The following EPHA7 variants were observed in gnomAD, a reference collection of about 807,000 sequenced individuals.
EPHA7 encodes the protein ephrin type-A receptor 7.
A neutral mutation model predicts 112.6 loss-of-function variants in EPHA7; 25 were observed. That is an observed-to-expected ratio of 0.22 (90% CI 0.16 to 0.31). The LOEUF (loss-of-function observed/expected upper bound fraction) is 0.31. Ranked by LOEUF, EPHA7 falls within the 10% of genes least tolerant of loss-of-function variation. The pLI is 1.00. For missense variants in EPHA7, 962 were observed against 1,212.6 expected, an observed-to-expected ratio of 0.79 and a Z score of 3.07; for synonymous variants, 437 against 406.5, an observed-to-expected ratio of 1.07 and a Z score of -0.90.
At chr6:93,318,063 C>T (rs186476555) in intron 5 of EPHA7, among the ~76,000 whole-genome samples, 1 of 152,132 alleles carries the variant, frequency 6.6e-6, no homozygotes, top group East Asian at 1.9e-4. Context: ...ATGGCATTAC[C>T]CTTCTAAAAA....
intron 5 of EPHA7, among the ~76,000 whole-genome samples, chr6:93,277,953 G>A (rs1048510857): frequency 6.6e-6 from 1 of 151,874 alleles, no homozygotes; most frequent in African/African-American, 2.4e-5. Context: ...TATATCTTCA[G>A]TAGAGTAATA....
rs746036615 is a variant in EPHA7, at chr6:93,240,224, C to T, written c.*3202G>A. On this transcript the variant is annotated 3_prime_UTR_variant, in exon 17 of 17. Coordinates refer to ENST00000369303, the MANE Select transcript of EPHA7 (RefSeq NM_004440.4). ...AACCAACGAAAAGCACATCTCGCCC[C>T]GAGTTCCCCATGATTTCTCCACATA... 5.4e-5 allele frequency: 12 copies of T among 223,226 alleles called. No homozygotes were observed. Among genetic ancestry groups the T allele is most frequent in the Non-Finnish European group, 8.0e-5 (9 of 111,980 alleles). The allele number at this position is 223,226 out of a possible 1,614,324, so 13.8% of individuals were successfully genotyped here. A position where few individuals can be genotyped will look rare whatever the true frequency, so the allele number is the denominator to read the frequency against.
At chr6:93,359,324 A>G (rs1776120150) in intron 3 of EPHA7, among the ~76,000 whole-genome samples, 1 of 151,602 alleles carries the variant, frequency 6.6e-6, no homozygotes, top group Admixed American at 6.6e-5. Context: ...TTCAATGAAA[A>G]TTTAGCAAGT....
intron 5 of EPHA7, among the ~76,000 whole-genome samples, chr6:93,282,922 C>G (rs1013909188): frequency 1.2e-4 from 18 of 152,156 alleles, no homozygotes; most frequent in African/African-American, 4.3e-4. Context: ...GCCAGAGCCT[C>G]CCCGAGGAGC....
At position 93,356,938 on chromosome 6, in the gene EPHA7, A is replaced by G. The variant is rs140214296; in HGVS notation, c.1103T>C (p.Leu368Ser). 2.1e-4 allele frequency: 337 copies of G among 1,614,118 alleles called. No individual in the cohort carries two copies. Among genetic ancestry groups the G allele is most frequent in the Non-Finnish European group, 2.7e-4 (324 of 1,180,022 alleles). ...CTGCTCCCAACTGCACCGCTTACACAATATTCTGTAGGTCACATCGTTTCT... is the reference window on the plus strand; with the variant it reads ...CTGCTCCCAACTGCACCGCTTACACGATATTCTGTAGGTCACATCGTTTCT... ...GGRNDVTYRI[L>S]CKRCSWEQGE... Residue 368 changes from leucine to serine, a missense_variant, in exon 5 of 17, where the codon TTG becomes TCG. Physicochemically the swap from Leu to Ser is moderately radical, Grantham distance 145. This residue lies in a region of EPHA7 where 746 missense variants were observed against 889.2 expected (regional missense o/e 0.84). Coordinates refer to ENST00000369303, the MANE Select transcript of EPHA7 (RefSeq NM_004440.4).
intron 14 of EPHA7, among the ~76,000 whole-genome samples, chr6:93,248,533 C>A (rs576872970): frequency 1.1e-4 from 17 of 152,116 alleles, no homozygotes; most frequent in East Asian, 3.9e-4. Flanking sequence ...TCCATAGGTA[C>A]CTCCCCTGTA....
chr6:93,358,562 TAG>T (rs1776077310), intron 3 of EPHA7, 151 bp from the exon 4 acceptor site: 1 of 625,748 alleles, frequency 1.6e-6, no homozygotes, highest in South Asian at 2.8e-5. Context: ...GGTATTTCAC[TAG>T]CCAAATGTTA....
chr6:93,302,490 T>C (rs1298563673), intron 5 of EPHA7, among the ~76,000 whole-genome samples: 1 of 152,140 alleles, frequency 6.6e-6, no homozygotes, highest in Non-Finnish European at 1.5e-5. Context: ...TATTACTTCC[T>C]ATCATTCTCA....
chr6:93,255,538 C>T (rs537041217), intron 13 of EPHA7, among the ~76,000 whole-genome samples: 2 of 152,088 alleles, frequency 1.3e-5, no homozygotes, highest in South Asian at 2.1e-4. Flanking sequence ...TTACAGTTTT[C>T]TACAAATATG....
chr6:93,300,620 C>T (rs1024248632), intron 5 of EPHA7, among the ~76,000 whole-genome samples: 5 of 151,938 alleles, frequency 3.3e-5, no homozygotes, highest in African/African-American at 1.2e-4. Flanking sequence ...AAGCTATAAC[C>T]CAAATAACTA....
chr6:93,315,865 G>T (rs552042633), intron 5 of EPHA7, among the ~76,000 whole-genome samples: 3 of 151,994 alleles, frequency 2.0e-5, no homozygotes, highest in Non-Finnish European at 4.4e-5. Context: ...CTCTCTTTAG[G>T]AATCCACAGT....
chr6:93,321,995 A>C (rs1206927200), intron 5 of EPHA7, among the ~76,000 whole-genome samples: 1 of 151,844 alleles, frequency 6.6e-6, no homozygotes, highest in Non-Finnish European at 1.5e-5. Context: ...GAGGACATTA[A>C]TACTACTTAC....
In EPHA7 at chr6:93,242,248, A is replaced by G. The variant is rs1582375115; in HGVS notation, c.*1178T>C. On this transcript the variant is annotated 3_prime_UTR_variant, in exon 17 of 17. Transcript: ENST00000369303. ...TTTCTTGCATCAGTGTTCACAAACA[A>G]AAGACTTTTTGTTTTGTTTTGTTTT... 5.0e-6 allele frequency: 1 copy of G among 200,208 alleles called. No homozygotes were observed. The allele number at this position is 200,208 out of a possible 1,614,324, so 12.4% of individuals were successfully genotyped here.
chr6:93,401,803 A>G (rs184189053), intron 3 of EPHA7, among the ~76,000 whole-genome samples: 69 of 152,106 alleles, frequency 4.5e-4, no homozygotes, highest in Non-Finnish European at 8.4e-4. Flanking sequence ...CATGTATCAT[A>G]TTTGTATGGA....
Position 93,258,179 on chromosome 6 carries a change from C to G in EPHA7, c.2030G>C (p.Arg677Thr). The stretch of plus-strand genomic sequence containing the variant: ...GATGCTTGCTTCACACAAAAAGTCT[C>G]TCCTTTGTTTTTCTGTGTAACCAAC... Reference protein sequence around the residue: ...LKVGYTEKQRRDFLCEASIMG... With the variant: ...LKVGYTEKQRTDFLCEASIMG... The change falls in exon 11 of 17, where the codon AGA (arginine) becomes ACA (threonine). Residue 677 changes from arginine (R) to threonine (T), a missense_variant. Arg to Thr is a moderately conservative substitution (Grantham distance 71). Coordinates refer to ENST00000369303, the MANE Select transcript of EPHA7 (RefSeq NM_004440.4). 1.2e-6 allele frequency: 2 copies of G among 1,613,466 alleles called. No individual in the cohort carries two copies. The highest frequency in any genetic ancestry group is 4.5e-5 in the East Asian group (2 of 44,822).
At position 93,410,654 on chromosome 6, in the gene EPHA7, A is replaced by C. The variant is rs923934722; in HGVS notation, c.679T>G (p.Leu227Val). The C allele has an allele frequency of 6.2e-7, 1 of 1,613,920 alleles. No individual in the cohort carries two copies. Among genetic ancestry groups the C allele is most frequent in the African/African-American group, 1.3e-5 (1 of 74,912 alleles). Residue 227 changes from leucine to valine, a missense_variant, in exon 3 of 17, where the codon TTA becomes GTA. Coordinates refer to ENST00000369303, the MANE Select transcript of EPHA7 (RefSeq NM_004440.4). This position sits in a 1 kb window ranked among gnomAD's most constrained non-coding sequence, Gnocchi z 4.0. ...DTVTGSEFSS[L>V]VEVRGTCVSS... ...ACACATGTCCCTCGAACCTCGACTAAAGAGGAAAATTCTGAACCAGTCACT... is the reference window on the plus strand; with the variant it reads ...ACACATGTCCCTCGAACCTCGACTACAGAGGAAAATTCTGAACCAGTCACT...
intron 5 of EPHA7, among the ~76,000 whole-genome samples, chr6:93,310,840 G>A (rs1273456572): frequency 3.3e-5 from 5 of 152,104 alleles, no homozygotes; most frequent in Non-Finnish European, 5.9e-5. Context: ...GATGTTGATG[G>A]CTACTGGATG....
intron 3 of EPHA7, among the ~76,000 whole-genome samples, chr6:93,390,161 T>G (rs892500984): frequency 1.3e-5 from 2 of 151,214 alleles, no homozygotes; most frequent in African/African-American, 4.9e-5. Context: ...AATCTAACAT[T>G]TAAAGAAATA....
Position 93,245,407 on chromosome 6 carries a change from AG to A in EPHA7, c.2772del (p.Cys926ValfsTer30). 6.2e-7 allele frequency: 1 copy of A among 1,613,810 alleles called. No homozygotes were observed. Among genetic ancestry groups the A allele is most frequent in the Non-Finnish European group, 8.5e-7 (1 of 1,179,866 alleles). ...TGTAGCCATTCTCCAACTGAACAAA[AG>A]GTAGTGAAATCAGGAGTGTTTTGAT... ...LLDQNTPDFTTFCSVGEWLQA... is the reference protein window; with the variant it reads ...LLDQNTPDFTXFCSVGEWLQA... On this transcript the variant is annotated frameshift_variant, in exon 16 of 17. Coordinates refer to ENST00000369303, the MANE Select transcript of EPHA7 (RefSeq NM_004440.4). LOFTEE classifies it high-confidence loss of function.
Sources: gnomAD v4.1 joint callset for allele counts (sites outside exome capture counted in the v4.1 genomes callset) on GRCh38, gnomAD v4.1.1 for gene constraint, gnomAD v4.1.1 regional missense constraint, Gnocchi (gnomAD v3.1) non-coding constraint, MANE v1.5 for transcripts, NCBI Gene and HGNC (gene_info 2026-07-23, HGNC 2026-07-21) for gene names.